Variants in BAIAP2L1 observed in about 807,000 individuals in gnomAD.
BAIAP2L1 encodes the protein BAR/IMD domain containing adaptor protein 2 like 1.
In BAIAP2L1, 35 loss-of-function variants were observed where a neutral mutation model predicts 66.3. The observed-to-expected ratio is 0.53, with a 90% confidence interval of 0.40 to 0.70. The LOEUF (loss-of-function observed/expected upper bound fraction) is 0.70. BAIAP2L1 is among the 30% of genes least tolerant of loss of function. BAIAP2L1 has a pLI of 0.00. For synonymous variants in BAIAP2L1, 269 were observed against 248.7 expected (o/e 1.08, Z -0.77); for missense variants, 622 against 656.9 (o/e 0.95, Z 0.58).
chr7:98,294,617 C>T (rs1800109928), intron 12 of BAIAP2L1, among the ~76,000 whole-genome samples: 1 of 152,236 alleles, frequency 6.6e-6, no homozygotes, highest in African/African-American at 2.4e-5. Context: ...AACAGAACCT[C>T]TCAGACTCGG....
intron 3 of BAIAP2L1, among the ~76,000 whole-genome samples, chr7:98,354,657 A>T (rs1802078761): frequency 6.6e-6 from 1 of 152,166 alleles, no homozygotes; most frequent in Non-Finnish European, 1.5e-5. Flanking sequence ...CAAGAGAGCA[A>T]TGTAAAGGAG....
intron 3 of BAIAP2L1, among the ~76,000 whole-genome samples, chr7:98,336,724 A>G (rs1251059509): frequency 1.3e-5 from 2 of 152,358 alleles, no homozygotes; most frequent in Non-Finnish European, 2.9e-5. Flanking sequence ...GGCATCCAAC[A>G]TTTAAGGGTC....
chr7:98,312,664 C>T (rs760573403), intron 7 of BAIAP2L1, among the ~76,000 whole-genome samples: 1 of 152,210 alleles, frequency 6.6e-6, no homozygotes, highest in African/African-American at 2.4e-5. Flanking sequence ...ACCTCCAACA[C>T]AGGCCACGGG....
intron 1 of BAIAP2L1, among the ~76,000 whole-genome samples, chr7:98,382,106 T>C (rs1389902386): frequency 1.3e-5 from 2 of 151,824 alleles, no homozygotes; most frequent in African/African-American, 4.8e-5. Flanking sequence ...GTATTTTCAG[T>C]AGAGAGGGAG....
chr7:98,349,233 A>G (rs1309978094), intron 3 of BAIAP2L1, among the ~76,000 whole-genome samples: 1 of 152,218 alleles, frequency 6.6e-6, no homozygotes, highest in Non-Finnish European at 1.5e-5. Flanking sequence ...TGCACTCTGC[A>G]ACCCCTGAGG....
chr7:98,380,755 TAA>T (rs1269682331), intron 1 of BAIAP2L1, among the ~76,000 whole-genome samples: 1 of 114,746 alleles, frequency 8.7e-6, no homozygotes, highest in Non-Finnish European at 1.9e-5. Context: ...TTTTTTTTAA[TAA>T]AAAAAAAAAG....
intron 1 of BAIAP2L1, among the ~76,000 whole-genome samples, chr7:98,393,193 T>G (rs141337327): frequency 1.1e-5 from 1 of 89,614 alleles, no homozygotes; most frequent in East Asian, 2.7e-4. Context: ...ATGTGTGTGT[T>G]TATATATATA....
At chr7:98,366,562 G>A (rs1474476357) in intron 1 of BAIAP2L1, among the ~76,000 whole-genome samples, 1 of 152,142 alleles carries the variant, frequency 6.6e-6, no homozygotes, top group Non-Finnish European at 1.5e-5. Context: ...CTTGTCAATG[G>A]ATGTTTTCCA....
intron 13 of BAIAP2L1, among the ~76,000 whole-genome samples, chr7:98,293,817 T>C (rs937888223): frequency 2.0e-5 from 3 of 152,266 alleles, no homozygotes; most frequent in Non-Finnish European, 4.4e-5. Context: ...TTAAGCGTTC[T>C]GGACGTGGGC....
In BAIAP2L1 at chr7:98,317,219, C is replaced by T. The variant is rs1247718609; in HGVS notation, c.486G>A (p.Glu162=). The T allele has an allele frequency of 6.2e-7, 1 of 1,614,180 alleles. No homozygotes were observed. Among genetic ancestry groups the T allele is most frequent in the Admixed American group, 1.7e-5 (1 of 60,006 alleles). Residue 162 remains glutamate, a splice_region_variant and synonymous_variant, in exon 6 of 14, where the codon GAG becomes GAA. Coordinates refer to ENST00000005260, the MANE Select transcript of BAIAP2L1 (RefSeq NM_018842.5). The part of the protein sequence containing the change: ...NALKYEHKEI[E]YVETVTSRQS... ...AACAAGATATTGTTGAAAAGCTCAC[C>T]TCAATTTCTTTGTGTTCATATTTGA...
chr7:98,389,256 A>T (rs966013358), intron 1 of BAIAP2L1, among the ~76,000 whole-genome samples: 1 of 151,996 alleles, frequency 6.6e-6, no homozygotes, highest in Admixed American at 6.6e-5. Flanking sequence ...TGGTGGTTGG[A>T]TCTGTCATCT....
chr7:98,293,391 T>C lies in BAIAP2L1; in HGVS notation c.*130A>G. 1.2e-6 allele frequency: 1 copy of C among 829,794 alleles called. No individual in the cohort carries two copies. The highest frequency in any genetic ancestry group is 1.7e-5 in the South Asian group (1 of 60,502). The allele number at this position is 829,794 out of a possible 1,614,324, so 51.4% of individuals were successfully genotyped here. On this transcript the variant is annotated 3_prime_UTR_variant, in exon 14 of 14. Coordinates refer to ENST00000005260, the MANE Select transcript of BAIAP2L1 (RefSeq NM_018842.5). ...CGTGAAACAGAGAAGCATGATTTGC[T>C]TAAGCAGGCGACATTAGAGTTAGGC...
intron 1 of BAIAP2L1, among the ~76,000 whole-genome samples, chr7:98,398,371 C>T (rs949135365): frequency 6.6e-6 from 1 of 152,024 alleles, no homozygotes; most frequent in Non-Finnish European, 1.5e-5. Flanking sequence ...ATTAAAATTT[C>T]ACTTTGCACT....
intron 7 of BAIAP2L1, among the ~76,000 whole-genome samples, chr7:98,314,652 T>G (rs1202173561): frequency 6.6e-6 from 1 of 151,568 alleles, no homozygotes; most frequent in Non-Finnish European, 1.5e-5. Context: ...CCAAGAGGAA[T>G]GAACGCATCA....
At position 98,317,345 on chromosome 7, in the gene BAIAP2L1, T is replaced by G; in HGVS notation, c.360A>C (p.Lys120Asn). The G allele has an allele frequency of 6.2e-7, 1 of 1,613,950 alleles. No individual in the cohort carries two copies. The highest frequency in any genetic ancestry group is 8.5e-7 in the Non-Finnish European group (1 of 1,179,982). ...LDVKYMNATL[K>N]RYQTEHKNKL... ...TATTCTTGTGTTCTGTTTGGTATCT[T>G]TTTAGAGTTGCCTGTAAGTTAAATG... Residue 120 changes from lysine to asparagine, a missense_variant, in exon 6 of 14, where the codon AAA becomes AAC. Coordinates refer to ENST00000005260, the MANE Select transcript of BAIAP2L1 (RefSeq NM_018842.5).
intron 1 of BAIAP2L1, among the ~76,000 whole-genome samples, chr7:98,388,278 A>G (rs1052709328): frequency 6.6e-6 from 1 of 152,252 alleles, no homozygotes; most frequent in Non-Finnish European, 1.5e-5. Context: ...AGTACATACA[A>G]CCATCGGGGA....
intron 3 of BAIAP2L1, among the ~76,000 whole-genome samples, chr7:98,322,461 C>G (rs146000484): frequency 6.6e-6 from 1 of 152,164 alleles, no homozygotes; most frequent in Non-Finnish European, 1.5e-5. Context: ...ATCAACTTCT[C>G]GCCCATGTGT....
chr7:98,382,143 C>T (rs556113782), intron 1 of BAIAP2L1, among the ~76,000 whole-genome samples: 9 of 151,998 alleles, frequency 5.9e-5, no homozygotes, highest in Non-Finnish European at 7.4e-5. Context: ...AGGATGGTCT[C>T]GATCTCCTGA....
chr7:98,293,644 A>C, intron 13 of BAIAP2L1, 48 bp from the exon 14 acceptor site: 1 of 1,573,470 alleles, frequency 6.4e-7, no homozygotes, highest in Non-Finnish European at 8.8e-7. Flanking sequence ...CTACGAGGGA[A>C]ACTGGATTTT....
Sources: gnomAD v4.1 joint callset for allele counts (sites outside exome capture counted in the v4.1 genomes callset) on GRCh38, gnomAD v4.1.1 for gene constraint, MANE v1.5 for transcripts, NCBI Gene and HGNC (gene_info 2026-07-23, HGNC 2026-07-21) for gene names.